TENM1: variants seen among roughly 807,000 people sequenced by gnomAD.
TENM1 encodes the protein teneurin-1.
A neutral mutation model predicts 174.8 loss-of-function variants in TENM1; 35 were observed. The observed-to-expected ratio is 0.20, with a 90% CI of 0.15 to 0.27. The LOEUF (loss-of-function observed/expected upper bound fraction) is 0.27, where lower values mean the gene tolerates loss of function less well. Ranked by LOEUF, TENM1 falls within the 10% of genes least tolerant of loss-of-function variation. The pLI is 1.00. For synonymous variants in TENM1, 781 were observed against 798.7 expected (o/e 0.98, Z 0.37); for missense variants, 1,633 against 2,130.1 (o/e 0.77, Z 4.59).
At chrX:124,737,816 T>TTGTTATAC (rs2148552841) in intron 3 of TENM1, among the ~76,000 whole-genome samples, 1 of 112,414 alleles carries the variant, frequency 8.9e-6, no homozygotes, top group East Asian at 2.8e-4. Flanking sequence ...TTTGTTCAAG[T>TTGTTATAC]TGTTATACAT....
At chrX:124,745,075 T>C (rs771379050) in intron 3 of TENM1, among the ~76,000 whole-genome samples, 3 of 112,079 alleles carry the variant, frequency 2.7e-5, no homozygotes, top group South Asian at 3.8e-4. Context: ...TAAAAAAGCA[T>C]AGAGGCTAGG....
the TENM1 span, among the ~76,000 whole-genome samples, chrX:125,139,858 GGAGAGAGAGA>G: frequency 0.15 from 13,278 of 89,473 alleles, 765 homozygotes; most frequent in Middle Eastern, 0.2. Flanking sequence ...ACACACACAC[GGAGAGAGAGA>G]GAGAGAGAGA....
chrX:124,816,484 T>C (rs1032364794), intron 3 of TENM1, among the ~76,000 whole-genome samples: 1 of 111,693 alleles, frequency 9.0e-6, no homozygotes, highest in Non-Finnish European at 1.9e-5. Flanking sequence ...TGTAAATGAG[T>C]GCTTATAAAG....
exon 18 of TENM1, chrX:124,520,720 G>T: frequency 8.3e-7 from 1 of 1,208,816 alleles, no homozygotes; most frequent in Non-Finnish European, 1.1e-6. Flanking sequence ...ATACCCAGGG[G>T]TGCGGCTGCT....
rs554623701 is a variant in TENM1 at position 124,575,112 on chromosome X, G to A, written c.2078-9552C>T. Among the ~76,000 whole-genome samples, 10 of 111,893 alleles carry A rather than the reference G, an allele frequency of 8.9e-5. No homozygotes were observed. In the South Asian group the frequency reaches 3.4e-3, roughly 38 times the overall value. The stretch of plus-strand genomic sequence containing the variant: ...TCTATTTCTCTAAAAGTAATTAGAA[G>A]AACATATTAGTTGATGAGGTATCAT... On this transcript the variant is annotated intron_variant, in intron 11 of 31. Transcript: ENST00000422452.
At chrX:124,443,044 ATGTGTGTGTGTGTGTGTGTGTGTGTG>A (rs59365041) in intron 23 of TENM1, among the ~76,000 whole-genome samples, 13,399 of 51,984 alleles carry the variant, frequency 0.26, 1,274 homozygotes, top group South Asian at 0.53. Context: ...CTGGATGACT[ATGTGTGTGTGTGTGTGTGTGTGTGTG>A]TGTGTGTGTG....
the TENM1 span, among the ~76,000 whole-genome samples, chrX:125,196,905 A>G: frequency 1.5e-4 from 17 of 111,658 alleles, no homozygotes; most frequent in Non-Finnish European, 1.3e-4. Flanking sequence ...TTCTCTGAAC[A>G]ACTGAAGAGT....
chrX:124,384,828 T>G (rs768329006), exon 30 of TENM1: 26 of 1,205,400 alleles, frequency 2.2e-5, no homozygotes, highest in Non-Finnish European at 2.8e-5. Flanking sequence ...TCACTGAATC[T>G]GAAAATCTGG....
chrX:125,117,592 C>A, the TENM1 span, among the ~76,000 whole-genome samples: 3 of 110,810 alleles, frequency 2.7e-5, no homozygotes, highest in African/African-American at 9.9e-5. Flanking sequence ...AGGGGAAATA[C>A]GTAATGCAGA....
rs887670653 is a variant in TENM1 at position 124,961,899 on chromosome X, A to C, written c.217+1638T>G. Among the ~76,000 whole-genome samples the C allele has an allele frequency of 1.9e-4, 21 of 111,942 alleles. 1 individual carries two copies. The highest frequency in any genetic ancestry group is 3.8e-4 in the Non-Finnish European group (20 of 53,216). On this transcript the variant is annotated intron_variant, in intron 1 of 31. Coordinates refer to ENST00000422452, the Ensembl canonical transcript of TENM1. ...GATCCCGGTAGACCAGTAAAGAAAC[A>C]AAAAACAGTCTAGGTGAGATATAAT... is the stretch of plus-strand genomic sequence containing the variant.
chrX:124,607,628 G>C (rs1031608995), intron 11 of TENM1, among the ~76,000 whole-genome samples: 8 of 111,097 alleles, frequency 7.2e-5, no homozygotes, highest in African/African-American at 2.0e-4. Flanking sequence ...AGATTGGGTA[G>C]GGCCCTGTAG....
At chrX:124,491,289 T>C (rs1360142882) in intron 20 of TENM1, among the ~76,000 whole-genome samples, 1 of 111,549 alleles carries the variant, frequency 9.0e-6, no homozygotes, top group Non-Finnish European at 1.9e-5. Flanking sequence ...ATGGGCACAA[T>C]TTTGGACCTG....
chrX:124,645,632 AT>A (rs1316909766), intron 9 of TENM1, among the ~76,000 whole-genome samples: 2 of 111,675 alleles, frequency 1.8e-5, no homozygotes, highest in Non-Finnish European at 3.8e-5. Flanking sequence ...TCTTTCTTAT[AT>A]TTTTCTTCCT....
chrX:124,918,402 A>G (rs943866434), intron 1 of TENM1, among the ~76,000 whole-genome samples: 1 of 109,570 alleles, frequency 9.1e-6, no homozygotes, highest in African/African-American at 3.3e-5. Context: ...CTGGTACTGA[A>G]CTCCTGACCT....
At chrX:124,649,853 A>T (rs769714767) in intron 8 of TENM1, among the ~76,000 whole-genome samples, 4 of 111,539 alleles carry the variant, frequency 3.6e-5, no homozygotes, top group African/African-American at 9.8e-5. Flanking sequence ...GACTTTGTTT[A>T]ATCAAGTATA....
At chrX:125,139,864 A>ACACG in the TENM1 span, among the ~76,000 whole-genome samples, 5 of 66,704 alleles carry the variant, frequency 7.5e-5, no homozygotes, top group African/African-American at 3.5e-4. Context: ...ACACGGAGAG[A>ACACG]GAGAGAGAGA....
chrX:124,617,101 T>C (rs969244988), intron 11 of TENM1, among the ~76,000 whole-genome samples: 1 of 112,059 alleles, frequency 8.9e-6, no homozygotes, highest in African/African-American at 3.2e-5. Context: ...AAATTTCTTG[T>C]TGGCGGTATC....
chrX:124,773,422 A>C (rs1374971981), intron 3 of TENM1, among the ~76,000 whole-genome samples: 2 of 106,417 alleles, frequency 1.9e-5, no homozygotes, highest in African/African-American at 7.1e-5. Flanking sequence ...GTTTTAGCCT[A>C]CAAAAAAAAA....
chrX:124,386,523 A>C (rs959292884), intron 28 of TENM1, among the ~76,000 whole-genome samples: 1 of 110,680 alleles, frequency 9.0e-6, no homozygotes, highest in Non-Finnish European at 1.9e-5. Context: ...GGATATGAAA[A>C]AGAACACGGC....
Sources: allele counts gnomAD v4.1 joint callset (sites outside exome capture counted in the v4.1 genomes callset), GRCh38; gene constraint gnomAD v4.1.1; transcripts MANE v1.5; gene names NCBI Gene and HGNC (gene_info 2026-07-23, HGNC 2026-07-21).